FHIP1A: variants seen among roughly 807,000 people sequenced by gnomAD.
The protein encoded by FHIP1A is FHF complex subunit HOOK-interacting protein 1A.
FHIP1A carries 61 observed loss-of-function variants against 88.6 expected under a neutral mutation model. The observed-to-expected ratio is 0.69, with a 90% CI of 0.56 to 0.85. The LOEUF is 0.85. Ranked by LOEUF, FHIP1A falls within the 40% of genes least tolerant of loss-of-function variation. FHIP1A has a pLI of 0.00. For synonymous variants in FHIP1A, 478 were observed against 496.0 expected, an observed-to-expected ratio of 0.96 and a Z score of 0.48; for missense variants, 1,154 against 1,273.5, an observed-to-expected ratio of 0.91 and a Z score of 1.43.
At chr4:151,523,686 G>C (rs1439106556) in intron 3 of FHIP1A, among the ~76,000 whole-genome samples, 1 of 152,144 alleles carries the variant, frequency 6.6e-6, no homozygotes. Flanking sequence ...ATTTGTCTTT[G>C]AGTTTCTCCT....
chr4:151,645,579 A>G (rs772330196), intron 9 of FHIP1A, among the ~76,000 whole-genome samples: 5 of 151,194 alleles, frequency 3.3e-5, no homozygotes, highest in African/African-American at 7.3e-5. Flanking sequence ...CAAATACAGA[A>G]GCAAAAACAC....
chr4:151,473,877 T>C (rs899190340), intron 2 of FHIP1A, among the ~76,000 whole-genome samples: 2 of 152,186 alleles, frequency 1.3e-5, no homozygotes, highest in African/African-American at 4.8e-5. Flanking sequence ...GAATTTGAGA[T>C]GGAAGAGTCA....
Position 151,656,123 on chromosome 4 carries a change from T to C in FHIP1A, c.2552-109T>C, listed in dbSNP as rs1737222155. 4 of 842,098 alleles carry C rather than the reference T, an allele frequency of 4.8e-6. No homozygotes were observed. Among genetic ancestry groups the C allele is most frequent in the African/African-American group, 1.7e-5 (1 of 58,834 alleles). The allele number at this position is 842,098 out of a possible 1,614,324, so 52.2% of individuals were successfully genotyped here. Reference sequence around the variant, plus strand: ...ATATTTGCTGTGTCTGGCTTGCACCTGTGGGCCCATGGTGGTTTGGGAGAT... The same window carrying C: ...ATATTTGCTGTGTCTGGCTTGCACCCGTGGGCCCATGGTGGTTTGGGAGAT... On this transcript the variant is annotated intron_variant, in intron 11 of 13. Coordinates refer to ENST00000435205, the MANE Select transcript of FHIP1A (RefSeq NM_001109977.3). This position sits in a 1 kb window ranked among gnomAD's most constrained non-coding sequence, Gnocchi z 4.2.
At chr4:151,536,265 A>C (rs548656369) in intron 3 of FHIP1A, among the ~76,000 whole-genome samples, 1 of 152,218 alleles carries the variant, frequency 6.6e-6, no homozygotes, top group Non-Finnish European at 1.5e-5. Flanking sequence ...GGCTATTGAC[A>C]TTGATACAGT....
intron 7 of FHIP1A, among the ~76,000 whole-genome samples, chr4:151,613,362 A>G (rs566539185): frequency 9.0e-4 from 137 of 152,340 alleles, no homozygotes; most frequent in African/African-American, 3.2e-3. Context: ...ATCTTTTTAC[A>G]TGCTCTGGAA....
intron 13 of FHIP1A, among the ~76,000 whole-genome samples, chr4:151,658,166 G>C (rs1215638575): frequency 2.0e-5 from 3 of 152,210 alleles, no homozygotes; most frequent in Non-Finnish European, 4.4e-5. Flanking sequence ...AGACACATGG[G>C]TGGTAAGTGT....
intron 3 of FHIP1A, among the ~76,000 whole-genome samples, chr4:151,519,098 A>G (rs985915482): frequency 2.0e-5 from 3 of 152,236 alleles, no homozygotes; most frequent in Non-Finnish European, 2.9e-5. Context: ...TTTGTACTCA[A>G]ATGAAATGCG....
chr4:151,524,523 A>G (rs1445233426), intron 3 of FHIP1A, among the ~76,000 whole-genome samples: 1 of 152,124 alleles, frequency 6.6e-6, no homozygotes, highest in East Asian at 1.9e-4. Context: ...TTTACTCTTC[A>G]TGTGCCATTT....
chr4:151,657,404 C>T (rs1303963075), intron 13 of FHIP1A, among the ~76,000 whole-genome samples: 4 of 152,022 alleles, frequency 2.6e-5, no homozygotes, highest in Non-Finnish European at 4.4e-5. Context: ...AAAGTTTATG[C>T]TCAGCCTAAA....
chr4:151,568,574 C>T (rs1733478124), intron 4 of FHIP1A, among the ~76,000 whole-genome samples: 1 of 152,168 alleles, frequency 6.6e-6, no homozygotes. Flanking sequence ...AGCACACACT[C>T]CAGGCATGTC....
intron 4 of FHIP1A, among the ~76,000 whole-genome samples, chr4:151,575,730 T>G (rs572812769): frequency 6.6e-6 from 1 of 152,222 alleles, no homozygotes; most frequent in Non-Finnish European, 1.5e-5. Flanking sequence ...TCTGTAAGGA[T>G]GGACTTGCCT....
At chr4:151,415,583 A>T (rs1454476959) in intron 1 of FHIP1A, among the ~76,000 whole-genome samples, 3 of 152,206 alleles carry the variant, frequency 2.0e-5, no homozygotes, top group Non-Finnish European at 1.5e-5. Flanking sequence ...AAGTGTTATC[A>T]TTGTACACTT....
chr4:151,559,515 G>T (rs1473700055), intron 3 of FHIP1A, among the ~76,000 whole-genome samples: 1 of 152,050 alleles, frequency 6.6e-6, no homozygotes, highest in Non-Finnish European at 1.5e-5. Flanking sequence ...CTAATACATT[G>T]CTTTTCTTCT....
intron 3 of FHIP1A, among the ~76,000 whole-genome samples, chr4:151,485,231 A>G (rs1460165124): frequency 4.1e-5 from 6 of 146,184 alleles, no homozygotes; most frequent in African/African-American, 1.0e-4. Flanking sequence ...GTCTCTTCAC[A>G]TATTCTATGA....
chr4:151,656,497 A>G lies in FHIP1A; in HGVS notation c.2730+87A>G, dbSNP rs1011038003. 6 of 1,367,780 alleles carry G rather than the reference A, an allele frequency of 4.4e-6. No homozygotes were observed. Among genetic ancestry groups the G allele is most frequent in the Non-Finnish European group, 6.0e-6 (6 of 1,003,248 alleles). 84.7% of individuals were successfully genotyped at this position (1,367,780 alleles called of 1,614,324 possible). On this transcript the variant is annotated intron_variant, in intron 12 of 13. Coordinates refer to ENST00000435205, the MANE Select transcript of FHIP1A (RefSeq NM_001109977.3). The surrounding 1 kb of genome is among the most constrained non-coding windows in gnomAD (Gnocchi z 4.2). ...CTATTTCTCTTTATTTTGTTTTTCA[A>G]AAATTCCTTTGCTCTAATTCATTTG...
In FHIP1A at chr4:151,645,844, C is replaced by T. The variant is rs575191101; in HGVS notation, c.1227-714C>T. 9.9e-4 allele frequency among the ~76,000 whole-genome samples: 150 copies of T among 152,114 alleles called. 1 individual carries two copies. Among genetic ancestry groups the T allele is most frequent in the Non-Finnish European group, 1.2e-3 (82 of 68,008 alleles). On this transcript the variant is annotated intron_variant, in intron 9 of 13. Transcript: ENST00000435205. ...ATGGTTGCTCAGGTTTTCTTGTCCC[C>T]AGGTTCAAAATGATACTAAGATGCT...
chr4:151,585,256 C>A (rs1734168330), intron 5 of FHIP1A, among the ~76,000 whole-genome samples: 1 of 152,106 alleles, frequency 6.6e-6, no homozygotes, highest in Admixed American at 6.5e-5. Flanking sequence ...CGGCTCACTG[C>A]AACCTCCGCC....
At chr4:151,510,545 T>C (rs929316973) in intron 3 of FHIP1A, among the ~76,000 whole-genome samples, 2 of 152,204 alleles carry the variant, frequency 1.3e-5, no homozygotes, top group Admixed American at 1.3e-4. Flanking sequence ...CTTAACCTGT[T>C]TGCAGTTTGA....
intron 3 of FHIP1A, among the ~76,000 whole-genome samples, chr4:151,525,800 C>T (rs1194769481): frequency 1.4e-5 from 2 of 139,380 alleles, no homozygotes; most frequent in East Asian, 2.1e-4. Context: ...GGGTGTTTCT[C>T]GCAGAGGGGG....
Sources: gnomAD v4.1 joint callset for allele counts (sites outside exome capture counted in the v4.1 genomes callset) on GRCh38, gnomAD v4.1.1 for gene constraint, Gnocchi (gnomAD v3.1) non-coding constraint, MANE v1.5 for transcripts, NCBI Gene and HGNC (gene_info 2026-07-23, HGNC 2026-07-21) for gene names.